Variants in MRPL24 observed in about 807,000 individuals in gnomAD.
MRPL24 encodes the protein mitochondrial ribosomal protein L24, also known as large ribosomal subunit protein uL24m.
MRPL24 carries 15 observed loss-of-function variants against 26.9 expected under a neutral mutation model. The ratio of observed to expected loss-of-function variants is 0.56; its 90% CI spans 0.37 to 0.86. The LOEUF (loss-of-function observed/expected upper bound fraction) is 0.86, where lower values mean the gene tolerates loss of function less well. Among genes scored for constraint, MRPL24 ranks in the 40% least tolerant of loss-of-function variants. The probability of loss-of-function intolerance (pLI) is 0.00; values close to 1 mark genes in which losing one functional copy is unlikely to be tolerated. For missense variants in MRPL24, 241 were observed against 281.4 expected (o/e 0.86, Z 1.03); for synonymous variants, 92 against 102.4 (o/e 0.90, Z 0.62).
chr1:156,738,501 C>T (rs558876240), intron 2 of MRPL24, 21 bp downstream of exon 2: 45 of 1,614,026 alleles, frequency 2.8e-5, no homozygotes, highest in South Asian at 1.4e-4. Context: ...CATCACTCTA[C>T]CCCCTGTATG....
At chr1:156,739,084 G>A (rs551879258) in intron 1 of MRPL24, among the ~76,000 whole-genome samples, 10 of 152,324 alleles carry the variant, frequency 6.6e-5, no homozygotes, top group African/African-American at 1.9e-4. Flanking sequence ...TTAAATCAAT[G>A]TATGAACAGC....
chr1:156,741,136 G>A (rs1650091449), upstream of MRPL24: 1 of 152,182 alleles, frequency 6.6e-6, no homozygotes, highest in African/African-American at 2.4e-5. Flanking sequence ...CTTTCTGGGA[G>A]TTGTAGTCCA....
chr1:156,737,823 C>T, intron 4 of MRPL24, 47 bp from the exon 5 acceptor site: 1 of 1,605,464 alleles, frequency 6.2e-7, no homozygotes, highest in Admixed American at 1.7e-5. Context: ...AGGCTTCCTG[C>T]CACCCTCCAA....
Position 156,737,385 on chromosome 1 carries a change from C to G in MRPL24, c.*13G>C, listed in dbSNP as rs753925268. On this transcript the variant is annotated 3_prime_UTR_variant, in exon 6 of 6. Coordinates refer to ENST00000361531, the MANE Select transcript of MRPL24 (RefSeq NM_145729.3). ...TGGGACAGAAGTTGGGGAGGAGCTG[C>G]TCTGCCCCAGGCTCAATACCAATAG... 1 of 1,552,136 alleles carries G rather than the reference C, an allele frequency of 6.4e-7. No homozygotes were observed. Among genetic ancestry groups the G allele is most frequent in the African/African-American group, 1.4e-5 (1 of 72,382 alleles).
upstream of MRPL24, chr1:156,742,421 C>G (rs777212858): frequency 6.6e-6 from 1 of 152,638 alleles, no homozygotes; most frequent in African/African-American, 2.4e-5. Context: ...AGAAAGTCAT[C>G]AAGCCCCAAA....
chr1:156,738,559 A>C lies in MRPL24; in HGVS notation c.146T>G (p.Ile49Ser). 6.2e-7 allele frequency: 1 copy of C among 1,613,978 alleles called. No individual in the cohort carries two copies. The highest frequency in any genetic ancestry group is 8.5e-7 in the Non-Finnish European group (1 of 1,179,992). ...GAACAGATACCAGTCTTCATCAGAG[A>C]TGGGTTCCACAACCACTGGGCGCCG... ...IRRRPVVVEP[I>S]SDEDWYLFCG... Residue 49 changes from isoleucine to serine, a missense_variant, in exon 2 of 6, where the codon ATC (isoleucine) becomes AGC (serine). Transcript: ENST00000361531.
intron 5 of MRPL24, 33 bp downstream of exon 5, chr1:156,737,613 C>T (rs1475351350): frequency 1.2e-6 from 2 of 1,613,062 alleles, no homozygotes; most frequent in Non-Finnish European, 1.7e-6. Context: ...ACTCCTAGCA[C>T]CCACCCCTGA....
In MRPL24 at chr1:156,739,562, T is replaced by C. The variant is rs146019045; in HGVS notation, c.-60-798A>G. On this transcript the variant is annotated intron_variant, in intron 1 of 5. Coordinates refer to ENST00000361531, the MANE Select transcript of MRPL24 (RefSeq NM_145729.3). The stretch of plus-strand genomic sequence containing the variant: ...TAACTTCAAAGACAAATAAAGATAC[T>C]ACAATGGCATAAAGAGCCCTGGACA... Among the ~76,000 whole-genome samples, 1,336 of 152,022 alleles carry C rather than the reference T, an allele frequency of 8.8e-3. 10 individuals carry two copies. Among genetic ancestry groups the C allele is most frequent in the Non-Finnish European group, 0.014 (969 of 67,992 alleles).
At position 156,738,705 on chromosome 1, in the gene MRPL24, G is replaced by A; in HGVS notation, c.-1C>T. 1.3e-6 allele frequency: 2 copies of A among 1,575,284 alleles called. No homozygotes were observed. The highest frequency in any genetic ancestry group is 1.7e-6 in the Non-Finnish European group (2 of 1,166,702). ...AGGCCAGCAGGGCAGAAAGACGCAT[G>A]CCTGGAGGTTGTAAGAAATCCCTTT... On this transcript the variant is annotated 5_prime_UTR_variant, in exon 2 of 6. Coordinates refer to ENST00000361531, the MANE Select transcript of MRPL24 (RefSeq NM_145729.3).
At chr1:156,739,093 G>A (rs1649995547) in intron 1 of MRPL24, among the ~76,000 whole-genome samples, 1 of 152,174 alleles carries the variant, frequency 6.6e-6, no homozygotes, top group Non-Finnish European at 1.5e-5. Context: ...TGTATGAACA[G>A]CAGGATAGGA....
Position 156,737,325 on chromosome 1 carries a change from G to A in MRPL24, c.*73C>T. 2 of 1,490,308 alleles carry A rather than the reference G, an allele frequency of 1.3e-6. No individual in the cohort carries two copies. The highest frequency in any genetic ancestry group is 1.4e-5 in the African/African-American group (1 of 69,662). The allele number at this position is 1,490,308 out of a possible 1,614,324, so 92.3% of individuals were successfully genotyped here. A position where few individuals can be genotyped will look rare whatever the true frequency, so the allele number is the denominator to read the frequency against. ...GAGGACTCATAAAGTGCTCTTTATT[G>A]GCATCTGAAAAAGAAGTGCCTCAGC... On this transcript the variant is annotated 3_prime_UTR_variant, in exon 6 of 6. Coordinates refer to ENST00000361531, the MANE Select transcript of MRPL24 (RefSeq NM_145729.3).
At chr1:156,739,533 A>T (rs977621455) in intron 1 of MRPL24, among the ~76,000 whole-genome samples, 1 of 152,150 alleles carries the variant, frequency 6.6e-6, no homozygotes, top group Non-Finnish European at 1.5e-5. Context: ...ATAAAAATGA[A>T]CCCTAACTTC....
In MRPL24 at chr1:156,737,626, T is replaced by A; in HGVS notation, c.514+20A>T. On this transcript the variant is annotated intron_variant, in intron 5 of 5. Transcript: ENST00000361531. Reference sequence around the variant, plus strand: ...TCACTCCTAGCACCCACCCCTGACCTTCCTGCCCCTCACTCTCACCAATCC... The same window carrying A: ...TCACTCCTAGCACCCACCCCTGACCATCCTGCCCCTCACTCTCACCAATCC... The A allele has an allele frequency of 1.2e-6, 2 of 1,613,924 alleles. No individual in the cohort carries two copies. Among genetic ancestry groups the A allele is most frequent in the Non-Finnish European group, 1.7e-6 (2 of 1,179,866 alleles).
chr1:156,738,531 A>G lies in MRPL24; in HGVS notation c.174T>C (p.Cys58=). The G allele has an allele frequency of 6.2e-7, 1 of 1,614,062 alleles. No homozygotes were observed. Among genetic ancestry groups the G allele is most frequent in the Non-Finnish European group, 8.5e-7 (1 of 1,180,004 alleles). The change falls in exon 2 of 6, where the codon TGT becomes TGC. Residue 58 remains cysteine (C), a synonymous_variant. Coordinates refer to ENST00000361531, the MANE Select transcript of MRPL24 (RefSeq NM_145729.3). ...TGTATGAGGCTCTCACCGTGTCCCCACAGAACAGATACCAGTCTTCATCAG... is the reference window on the plus strand; with the variant it reads ...TGTATGAGGCTCTCACCGTGTCCCCGCAGAACAGATACCAGTCTTCATCAG... ...PISDEDWYLF[C]GDTVEILEGK... is the part of the protein sequence containing the mutation.
chr1:156,742,563 T>A (rs1330530682), upstream of MRPL24: 1 of 152,784 alleles, frequency 6.5e-6, no homozygotes, highest in African/African-American at 2.4e-5. Flanking sequence ...AAACATTTCC[T>A]AAAAAATGTG....
At chr1:156,737,947 A>G (rs1649934500) in intron 4 of MRPL24, 84 bp downstream of exon 4, 7 of 1,466,164 alleles carry the variant, frequency 4.8e-6, no homozygotes, top group Non-Finnish European at 6.6e-6. Flanking sequence ...TAATTTCCAG[A>G]GCATCCAACC....
chr1:156,738,243 C>T, intron 3 of MRPL24, 100 bp downstream of exon 3: 1 of 1,523,354 alleles, frequency 6.6e-7, no homozygotes, highest in Non-Finnish European at 9.1e-7. Context: ...GTAATGCCGC[C>T]ATCCCCTCAG....
chr1:156,737,512 C>A lies in MRPL24; in HGVS notation c.537G>T (p.Val179=). ...CATAGGTTCTTTCTAAAGCATCTTC[C>A]ACTGATGTGTCTTTGGGGCCATCTG... The part of the protein sequence containing the change: ...TWIDGPKDTS[V]EDALERTYVP... Residue 179 remains valine, a synonymous_variant, in exon 6 of 6, where the codon GTG becomes GTT. Coordinates refer to ENST00000361531, the MANE Select transcript of MRPL24 (RefSeq NM_145729.3). 6.2e-7 allele frequency: 1 copy of A among 1,608,940 alleles called. No homozygotes were observed. Among genetic ancestry groups the A allele is most frequent in the South Asian group, 1.1e-5 (1 of 90,178 alleles).
Position 156,738,595 on chromosome 1 carries a change from G to A in MRPL24, c.110C>T (p.Pro37Leu). ...GSVADKRKNP[P>L]WIRRRPVVVE... is the part of the protein sequence containing the mutation. ...AACCACTGGGCGCCGCCTGATCCAT[G>A]GGGGGTTCTTCCTCTTGTCTGCAAC... Residue 37 changes from proline to leucine, a missense_variant, in exon 2 of 6, where the codon CCA (proline) becomes CTA (leucine). Transcript: ENST00000361531. 1.9e-6 allele frequency: 3 copies of A among 1,613,706 alleles called. No individual in the cohort carries two copies. The highest frequency in any genetic ancestry group is 2.7e-5 in the African/African-American group (2 of 74,998).
Sources: allele counts gnomAD v4.1 joint callset (sites outside exome capture counted in the v4.1 genomes callset), GRCh38; gene constraint gnomAD v4.1.1; transcripts MANE v1.5; gene names NCBI Gene and HGNC (gene_info 2026-07-23, HGNC 2026-07-21).